The following MRC2 variants were observed in gnomAD, a reference collection of about 807,000 sequenced individuals.
MRC2 encodes the protein mannose receptor C-type 2, also known as C-type mannose receptor 2.
In MRC2, 84 loss-of-function variants were observed where a neutral mutation model predicts 206.2. The ratio of observed to expected loss-of-function variants is 0.41; its 90% confidence interval spans 0.34 to 0.49. The LOEUF is 0.49. MRC2 is among the 20% of genes least tolerant of loss of function. The pLI, the probability that MRC2 is intolerant of heterozygous loss-of-function variation, is 0.31. For missense variants in MRC2, 1,676 were observed against 2,001.5 expected, an observed-to-expected ratio of 0.84 and a Z score of 3.10; for synonymous variants, 798 against 800.0, an observed-to-expected ratio of 1.00 and a Z score of 0.04.
intron 23 of MRC2, 171 bp from the exon 24 acceptor site, chr17:62,689,349 CAT>C: frequency 3.4e-6 from 2 of 593,108 alleles, no homozygotes; most frequent in Admixed American, 3.1e-5. Context: ...TGTTAGCAAA[CAT>C]GTATTATTAA....
Position 62,627,696 on chromosome 17 carries a change from A to AG in MRC2, c.-107_-106insG. 1.3e-6 allele frequency: 1 copy of AG among 773,724 alleles called. No individual in the cohort carries two copies. Among genetic ancestry groups the AG allele is most frequent in the Non-Finnish European group, 1.8e-6 (1 of 550,634 alleles). The allele number at this position is 773,724 out of a possible 1,614,324, so 47.9% of individuals were successfully genotyped here. On this transcript the variant is annotated 5_prime_UTR_variant, in exon 1 of 30. Transcript: ENST00000303375. ...TCACTTCGTCCCGACCCGGAGGAGGACGCGAGCCCCTTGCGGGCGGTCATC... is the reference window on the plus strand; with the variant it reads ...TCACTTCGTCCCGACCCGGAGGAGGAGCGCGAGCCCCTTGCGGGCGGTCATC...
intron 1 of MRC2, among the ~76,000 whole-genome samples, chr17:62,637,614 C>A (rs2088340745): frequency 6.6e-6 from 1 of 152,054 alleles, no homozygotes; most frequent in African/African-American, 2.4e-5. Flanking sequence ...GAGCTCCTTA[C>A]CGTTCCCATA....
intron 20 of MRC2, among the ~76,000 whole-genome samples, chr17:62,684,264 A>G (rs1344949498): frequency 6.6e-6 from 1 of 152,212 alleles, no homozygotes; most frequent in Non-Finnish European, 1.5e-5. Flanking sequence ...TTTCTAAATA[A>G]TTCTCCCCAT....
chr17:62,679,769 C>T, intron 13 of MRC2, 31 bp from the exon 14 acceptor site: 1 of 1,607,182 alleles, frequency 6.2e-7, no homozygotes, highest in East Asian at 2.2e-5. Context: ...CTTCCCATCT[C>T]TTCCGTCCCC....
chr17:62,681,328 G>A, intron 18 of MRC2, 199 bp downstream of exon 18: 1 of 629,220 alleles, frequency 1.6e-6, no homozygotes, highest in Non-Finnish European at 2.8e-6. Flanking sequence ...AGATTTTTGT[G>A]AAGATTAGAA....
intron 1 of MRC2, among the ~76,000 whole-genome samples, chr17:62,637,695 G>A (rs920746550): frequency 1.3e-5 from 2 of 152,062 alleles, no homozygotes; most frequent in Non-Finnish European, 2.9e-5. Flanking sequence ...GCTTCCCAGG[G>A]GGCTGTTTCT....
chr17:62,631,111 G>A (rs921531031), intron 1 of MRC2, among the ~76,000 whole-genome samples: 7 of 152,142 alleles, frequency 4.6e-5, no homozygotes, highest in Non-Finnish European at 7.4e-5. Flanking sequence ...GTAGGGCACC[G>A]TGACTTGGCT....
intron 1 of MRC2, among the ~76,000 whole-genome samples, chr17:62,657,015 C>G (rs1158477602): frequency 6.6e-6 from 1 of 152,210 alleles, no homozygotes; most frequent in Non-Finnish European, 1.5e-5. Flanking sequence ...GTTCTCTGAT[C>G]AGCCCTGTTT....
At chr17:62,662,202 A>G (rs1292477895) in intron 1 of MRC2, among the ~76,000 whole-genome samples, 1 of 151,768 alleles carries the variant, frequency 6.6e-6, no homozygotes, top group Non-Finnish European at 1.5e-5. Flanking sequence ...GTGAGCCAAG[A>G]TTGCGCCACT....
intron 1 of MRC2, among the ~76,000 whole-genome samples, chr17:62,654,695 G>C (rs1330111904): frequency 2.6e-5 from 4 of 152,198 alleles, no homozygotes. Flanking sequence ...CAGGACGGGA[G>C]AGGAGGCCTC....
intron 1 of MRC2, among the ~76,000 whole-genome samples, chr17:62,637,669 C>T (rs1229752385): frequency 6.6e-6 from 1 of 152,082 alleles, no homozygotes. Context: ...GCTTTTTTTC[C>T]CTGCCAGGAG....
rs746235019 is a variant in MRC2, at chr17:62,680,764, C to G, written c.2474-36C>G. On this transcript the variant is annotated intron_variant, in intron 16 of 29. Transcript: ENST00000303375. The surrounding 1 kb of genome is among the most constrained non-coding windows in gnomAD (Gnocchi z 4.8). The stretch of plus-strand genomic sequence containing the variant: ...CCGGGGCCTGGCGTGCAGCCTCTGC[C>G]TGGCCGCCGCTCCCACGCCCGCGCT... 4.6e-6 allele frequency: 7 copies of G among 1,529,000 alleles called. No homozygotes were observed. The East Asian group carries it at 1.7e-4, about 37-fold the overall frequency. 94.7% of individuals were successfully genotyped at this position (1,529,000 alleles called of 1,614,324 possible).
Position 62,639,124 on chromosome 17 carries a change from CAGG to C in MRC2, c.118+11207_118+11209del, listed in dbSNP as rs2088366057. ...CCAAGGCAGGCGGATCACCTGAGGT[CAGG>C]AGTTTTGAGACCATCCTGGCCAACA... is the stretch of plus-strand genomic sequence containing the variant. On this transcript the variant is annotated intron_variant, in intron 1 of 29. Coordinates refer to ENST00000303375, the MANE Select transcript of MRC2 (RefSeq NM_006039.5). Among the ~76,000 whole-genome samples, 4 of 152,256 alleles carry C rather than the reference CAGG, an allele frequency of 2.6e-5. No homozygotes were observed. The South Asian group carries it at 8.3e-4, about 32-fold the overall frequency.
Position 62,690,765 on chromosome 17 carries a change from G to C in MRC2, c.4012+4G>C, listed in dbSNP as rs199663063. ...GGCATGAACTTCAACCCCAAAGGTG[G>C]GTGCCCTGTGTGTGGGGTGGAGAGG... On this transcript the variant is annotated splice_donor_region_variant and intron_variant, in intron 27 of 29. Coordinates refer to ENST00000303375, the MANE Select transcript of MRC2 (RefSeq NM_006039.5). 1 of 1,599,018 alleles carries C rather than the reference G, an allele frequency of 6.3e-7. No homozygotes were observed. Among genetic ancestry groups the C allele is most frequent in the African/African-American group, 1.3e-5 (1 of 74,712 alleles).
At chr17:62,635,461 G>T (rs2088302433) in intron 1 of MRC2, among the ~76,000 whole-genome samples, 1 of 151,936 alleles carries the variant, frequency 6.6e-6, no homozygotes, top group African/African-American at 2.4e-5. Context: ...TGGGACTCTG[G>T]AATAAAACCA....
At chr17:62,659,385 C>A in intron 1 of MRC2, among the ~76,000 whole-genome samples, 1 of 152,184 alleles carries the variant, frequency 6.6e-6, no homozygotes, top group East Asian at 1.9e-4. Flanking sequence ...ACTAAAAATA[C>A]AAAAATTAGC....
At chr17:62,653,756 G>A (rs547313737) in intron 1 of MRC2, among the ~76,000 whole-genome samples, 1 of 152,158 alleles carries the variant, frequency 6.6e-6, no homozygotes, top group Non-Finnish European at 1.5e-5. Context: ...AGGGAGGAGG[G>A]TGTGAAAAGG....
At chr17:62,685,406 A>G (rs979022119) in intron 20 of MRC2, among the ~76,000 whole-genome samples, 1 of 152,176 alleles carries the variant, frequency 6.6e-6, no homozygotes, top group Non-Finnish European at 1.5e-5. Flanking sequence ...CATGTTATAA[A>G]GTTTTTCCAA....
chr17:62,643,436 G>A (rs2088435053), intron 1 of MRC2, among the ~76,000 whole-genome samples: 1 of 152,048 alleles, frequency 6.6e-6, no homozygotes, highest in Non-Finnish European at 1.5e-5. Flanking sequence ...CCTTTAGTGC[G>A]GGAGAAGGGT....
Sources: gnomAD v4.1 joint callset for allele counts (sites outside exome capture counted in the v4.1 genomes callset) on GRCh38, gnomAD v4.1.1 for gene constraint, Gnocchi (gnomAD v3.1) non-coding constraint, MANE v1.5 for transcripts, NCBI Gene and HGNC (gene_info 2026-07-23, HGNC 2026-07-21) for gene names.